TACC3: variants seen among roughly 807,000 people sequenced by gnomAD.
The protein encoded by TACC3 is transforming acidic coiled-coil containing protein 3, also known as transforming acidic coiled-coil-containing protein 3.
Under a neutral mutation model 86.0 loss-of-function variants are expected in TACC3, and 52 were observed. The observed-to-expected ratio is 0.60, with a 90% CI of 0.48 to 0.76. The LOEUF (loss-of-function observed/expected upper bound fraction) is 0.76. TACC3 is among the 30% of genes least tolerant of loss of function. TACC3 has a pLI of 0.00. For missense variants in TACC3, 1,120 were observed against 1,070.4 expected (o/e 1.05, Z -0.65); for synonymous variants, 512 against 430.0 (o/e 1.19, Z -2.36).
chr4:1,735,144 C>T lies in TACC3; in HGVS notation c.1592-129C>T, dbSNP rs533957738. On this transcript the variant is annotated intron_variant, in intron 6 of 15. Coordinates refer to ENST00000313288, the MANE Select transcript of TACC3 (RefSeq NM_006342.3). The surrounding 1 kb of genome is among the most constrained non-coding windows in gnomAD (Gnocchi z 4.2). ...ACAGCAGTCAGGCCCCGAACATCCA[C>T]ACCTCCAAGGGAGGAAATACTGCTG... 17 of 1,303,096 alleles carry T rather than the reference C, an allele frequency of 1.3e-5. No homozygotes were observed. The African/African-American group carries it at 1.3e-4, about 10-fold the overall frequency. The allele number at this position is 1,303,096 out of a possible 1,614,324, so 80.7% of individuals were successfully genotyped here. A position where few individuals can be genotyped will look rare whatever the true frequency, so the allele number is the denominator to read the frequency against.
intron 13 of TACC3, among the ~76,000 whole-genome samples, chr4:1,744,057 A>T (rs1718721935): frequency 6.6e-6 from 1 of 152,012 alleles, no homozygotes; most frequent in African/African-American, 2.4e-5. Context: ...CTTCTCAGTC[A>T]CTGAGCGGAA....
In TACC3 at chr4:1,735,443, A is replaced by G; in HGVS notation, c.1644+118A>G. The G allele has an allele frequency of 8.3e-7, 1 of 1,209,000 alleles. No homozygotes were observed. Among genetic ancestry groups the G allele is most frequent in the Non-Finnish European group, 1.2e-6 (1 of 830,856 alleles). The allele number at this position is 1,209,000 out of a possible 1,614,324, so 74.9% of individuals were successfully genotyped here. On this transcript the variant is annotated intron_variant, in intron 7 of 15. Transcript: ENST00000313288. This position sits in a 1 kb window ranked among gnomAD's most constrained non-coding sequence, Gnocchi z 4.2. Reference sequence around the variant, plus strand: ...CGTCCCCCCAGCTGCACACAGGCCCAGGCATTGTGGCGGGCTGTGAATCCA... The same window carrying G: ...CGTCCCCCCAGCTGCACACAGGCCCGGGCATTGTGGCGGGCTGTGAATCCA...
chr4:1,743,107 C>G (rs991712955), intron 13 of TACC3, among the ~76,000 whole-genome samples: 5 of 151,582 alleles, frequency 3.3e-5, no homozygotes, highest in African/African-American at 1.2e-4. Context: ...ACTAAAAATA[C>G]AAAAATTAGC....
In TACC3 at chr4:1,731,251, G is replaced by A. The variant is rs17680881; in HGVS notation, c.1541G>A (p.Gly514Glu). 384,426 of 1,613,112 alleles carry A rather than the reference G, an allele frequency of 0.24. 47,502 individuals are homozygous for A. The highest frequency in any genetic ancestry group is 0.26 in the Non-Finnish European group (305,690 of 1,179,844). ...GSEPVPTHQQ[G>E]QPALELKEES... is the part of the protein sequence containing the mutation. ...GAGCCAGTGCCCACCCATCAGCAGG[G>A]GCAGCCTGCCTTGGAGCTGAAAGAG... The change falls in exon 6 of 16, where the codon GGG becomes GAG. Residue 514 changes from glycine to glutamate, a missense_variant. Physicochemically the swap from Gly to Glu is moderately conservative, Grantham distance 98 (BLOSUM62 -2). Coordinates refer to ENST00000313288, the MANE Select transcript of TACC3 (RefSeq NM_006342.3).
chr4:1,720,785 C>T (rs768681208), upstream of TACC3: 1 of 1,595,424 alleles, frequency 6.3e-7, no homozygotes, highest in East Asian at 2.3e-5. This position sits in a 1 kb window ranked among gnomAD's most constrained non-coding sequence, Gnocchi z 4.4. Context: ...GAACACGAAG[C>T]ACACGGCGAA....
chr4:1,726,225 C>T (rs1219797262), intron 3 of TACC3, among the ~76,000 whole-genome samples: 1 of 152,170 alleles, frequency 6.6e-6, no homozygotes, highest in East Asian at 1.9e-4. Context: ...GTTCTCTGCA[C>T]CTGTGCCACT....
intron 6 of TACC3, among the ~76,000 whole-genome samples, chr4:1,733,106 T>C (rs906061217): frequency 2.0e-5 from 3 of 152,166 alleles, no homozygotes; most frequent in Non-Finnish European, 4.4e-5. Context: ...GTCTGTCTTG[T>C]TGATCCTAGA....
intron 11 of TACC3, 34 bp from the exon 12 acceptor site, chr4:1,739,925 A>C: frequency 1.9e-6 from 3 of 1,611,514 alleles, no homozygotes; most frequent in Non-Finnish European, 2.5e-6. Flanking sequence ...TGGGCACCCG[A>C]GGCAATGGCT....
At chr4:1,743,139 G>T (rs1391028219) in intron 13 of TACC3, among the ~76,000 whole-genome samples, 1 of 151,646 alleles carries the variant, frequency 6.6e-6, no homozygotes, top group Non-Finnish European at 1.5e-5. Flanking sequence ...GCAGGCACCT[G>T]TAGTCCCAGC....
rs1374245802 is a variant in TACC3, at chr4:1,735,107, C to T, written c.1592-166C>T. On this transcript the variant is annotated intron_variant, in intron 6 of 15. Transcript: ENST00000313288. This position sits in a 1 kb window ranked among gnomAD's most constrained non-coding sequence, Gnocchi z 4.2. ...TCAGCACCCTGCGGTGCCCAGGAGG[C>T]GCCTGCCGCAGACAGCAGTCAGGCC... Among the ~76,000 whole-genome samples, 3 of 152,300 alleles carry T rather than the reference C, an allele frequency of 2.0e-5. No homozygotes were observed. The highest frequency in any genetic ancestry group is 2.9e-5 in the Non-Finnish European group (2 of 68,014).
Position 1,731,643 on chromosome 4 carries a change from CT to C in TACC3, c.1591+352del, listed in dbSNP as rs904136715. ...CAGAAATACTGCTTGAAACGACCTT[CT>C]TTTTTTTTTCTGAGATAGTCTCGCT... On this transcript the variant is annotated intron_variant, in intron 6 of 15. Coordinates refer to ENST00000313288, the MANE Select transcript of TACC3 (RefSeq NM_006342.3). Among the ~76,000 whole-genome samples, 7 of 150,386 alleles carry C rather than the reference CT, an allele frequency of 4.7e-5. No homozygotes were observed. In the East Asian group the frequency reaches 7.8e-4, roughly 17 times the overall value.
chr4:1,722,918 G>A (rs904786075), intron 1 of TACC3, among the ~76,000 whole-genome samples: 7 of 152,040 alleles, frequency 4.6e-5, no homozygotes, highest in African/African-American at 1.7e-4. Context: ...GTCTTGTCCC[G>A]CTGCCTAGCC....
At chr4:1,727,175 G>A (rs1200399032) in intron 3 of TACC3, among the ~76,000 whole-genome samples, 1 of 151,956 alleles carries the variant, frequency 6.6e-6, no homozygotes, top group Non-Finnish European at 1.5e-5. Context: ...GGAAATTGAG[G>A]AGCCCAGTCT....
rs1336688502 is a variant in TACC3, at chr4:1,744,710, A to G, written c.2331-2A>G. The G allele has an allele frequency of 1.2e-6, 2 of 1,612,384 alleles. No homozygotes were observed. Among genetic ancestry groups the G allele is most frequent in the South Asian group, 1.1e-5 (1 of 91,066 alleles). ...GCCTCTGCCCCGCCCCTACCCCTCC[A>G]GGGCAAACGAGGAGATCGCCCAGGT... On this transcript the variant is annotated splice_acceptor_variant, in intron 14 of 15. Transcript: ENST00000313288. LOFTEE classifies it high-confidence loss of function.
intron 13 of TACC3, among the ~76,000 whole-genome samples, chr4:1,744,038 CAGTT>C (rs990276609): frequency 4.6e-5 from 7 of 152,134 alleles, no homozygotes; most frequent in Admixed American, 2.6e-4. Context: ...AGGAACCCCT[CAGTT>C]AGGGCTTCTC....
chr4:1,743,559 A>AC lies in TACC3; in HGVS notation c.2224-959_2224-958insC, dbSNP rs1670486038. Among the ~76,000 whole-genome samples the AC allele has an allele frequency of 4.0e-5, 6 of 150,754 alleles. No individual in the cohort carries two copies. The South Asian group carries it at 1.2e-3, about 31-fold the overall frequency. On this transcript the variant is annotated intron_variant, in intron 13 of 15. Coordinates refer to ENST00000313288, the MANE Select transcript of TACC3 (RefSeq NM_006342.3). ...CAGAGTGAGTCTCCGTCTAAAAAAAAAAAACAGAAACTAGAAAAGAACCAA... is the reference window on the plus strand; with the variant it reads ...CAGAGTGAGTCTCCGTCTAAAAAAAACAAAACAGAAACTAGAAAAGAACCAA...
At position 1,734,578 on chromosome 4, in the gene TACC3, C is replaced by T. The variant is rs116635248; in HGVS notation, c.1592-695C>T. Among the ~76,000 whole-genome samples, 670 of 152,336 alleles carry T rather than the reference C, an allele frequency of 4.4e-3. 7 individuals carry two copies. Among genetic ancestry groups the T allele is most frequent in the Middle Eastern group, 6.8e-3 (2 of 294 alleles). On this transcript the variant is annotated intron_variant, in intron 6 of 15. Transcript: ENST00000313288. ...GACCAGCCCTGGCAACGTAGCAAGA[C>T]TCCTCCTCTACCAAAACAAAAAGTA...
intron 10 of TACC3, among the ~76,000 whole-genome samples, chr4:1,739,165 G>A (rs181695416): frequency 6.5e-4 from 99 of 152,208 alleles, no homozygotes; most frequent in Non-Finnish European, 7.9e-4. Flanking sequence ...AAAATTAGCC[G>A]GGCGTGGTGG....
In TACC3 at chr4:1,727,803, C is replaced by A; in HGVS notation, c.401C>A (p.Pro134Gln). The A allele has an allele frequency of 6.2e-7, 1 of 1,613,334 alleles. No individual in the cohort carries two copies. The highest frequency in any genetic ancestry group is 1.3e-5 in the African/African-American group (1 of 75,048). ...ACCGACCTCCTGGGGGATGCAAGCCCAGCCTTTGGGAGTGGCAGCTCCAGC... is the reference window on the plus strand; with the variant it reads ...ACCGACCTCCTGGGGGATGCAAGCCAAGCCTTTGGGAGTGGCAGCTCCAGC... ...ADTDLLGDAS[P>Q]AFGSGSSSES... Residue 134 changes from proline (P) to glutamine (Q), a missense_variant, in exon 4 of 16, where the codon CCA becomes CAA. Coordinates refer to ENST00000313288, the MANE Select transcript of TACC3 (RefSeq NM_006342.3).
Sources: allele counts gnomAD v4.1 joint callset (sites outside exome capture counted in the v4.1 genomes callset), GRCh38; gene constraint gnomAD v4.1.1; non-coding constraint Gnocchi (gnomAD v3.1); transcripts MANE v1.5; gene names NCBI Gene and HGNC (gene_info 2026-07-23, HGNC 2026-07-21).